CIB4: variants seen among roughly 807,000 people sequenced by gnomAD.
The protein encoded by CIB4 is calcium and integrin-binding family member 4.
Under a neutral mutation model 25.8 loss-of-function variants are expected in CIB4, and 25 were observed. The ratio of observed to expected loss-of-function variants is 0.97; its 90% CI spans 0.71 to 1.35. The LOEUF is 1.35. CIB4 is among the 40% of genes most tolerant of loss of function. The pLI, the probability that CIB4 is intolerant of heterozygous loss-of-function variation, is 0.00. For synonymous variants in CIB4, 75 were observed against 81.4 expected, an observed-to-expected ratio of 0.92 and a Z score of 0.42; for missense variants, 235 against 228.2, an observed-to-expected ratio of 1.03 and a Z score of -0.19.
At chr2:26,630,837 GC>G (rs1282632341) in intron 2 of CIB4, among the ~76,000 whole-genome samples, 1 of 152,076 alleles carries the variant, frequency 6.6e-6, no homozygotes, top group Non-Finnish European at 1.5e-5. Context: ...CACCCAGCCT[GC>G]CCTCTCTCTG....
At chr2:26,590,069 T>A (rs1182477357) in intron 4 of CIB4, among the ~76,000 whole-genome samples, 1 of 152,052 alleles carries the variant, frequency 6.6e-6, no homozygotes, top group East Asian at 1.9e-4. Flanking sequence ...TTGTTTTTTC[T>A]TTTTTGTAAT....
At chr2:26,591,073 A>T (rs1189893484) in intron 4 of CIB4, among the ~76,000 whole-genome samples, 3 of 152,178 alleles carry the variant, frequency 2.0e-5, no homozygotes, top group Non-Finnish European at 2.9e-5. Context: ...TTGTTTGTTT[A>T]GCTCAGGAAA....
At chr2:26,609,489 C>T (rs1275967) in intron 3 of CIB4, among the ~76,000 whole-genome samples, 133,075 of 152,102 alleles carry the variant, frequency 0.87, 58,422 homozygotes, top group East Asian at 1. Context: ...AGAGTTTTGT[C>T]TGGGTGAATG....
intron 2 of CIB4, among the ~76,000 whole-genome samples, chr2:26,637,946 G>A (rs113985701): frequency 0.022 from 3,399 of 152,242 alleles, 146 homozygotes; most frequent in African/African-American, 0.078. Flanking sequence ...CAAGTAATAG[G>A]AGTTGGATAC....
intron 3 of CIB4, among the ~76,000 whole-genome samples, chr2:26,607,189 C>T (rs568678000): frequency 6.6e-6 from 1 of 152,148 alleles, no homozygotes; most frequent in Admixed American, 6.5e-5. Flanking sequence ...GGCAGTGGAG[C>T]GAGCAGAGGC....
chr2:26,621,169 A>C (rs1377912324), intron 3 of CIB4, among the ~76,000 whole-genome samples: 1 of 151,478 alleles, frequency 6.6e-6, no homozygotes, highest in African/African-American at 2.4e-5. Context: ...TGCCTCACAC[A>C]CAGGGGAAAG....
chr2:26,594,726 A>C (rs1668647326), intron 4 of CIB4, among the ~76,000 whole-genome samples: 1 of 152,210 alleles, frequency 6.6e-6, no homozygotes, highest in African/African-American at 2.4e-5. Context: ...AAAAAATGTC[A>C]AAGTGCCTCA....
chr2:26,590,258 TAAAAAAA>T (rs869097756), intron 4 of CIB4, among the ~76,000 whole-genome samples: 7 of 61,824 alleles, frequency 1.1e-4, no homozygotes, highest in Admixed American at 9.3e-4. Context: ...CAAGCATCTG[TAAAAAAA>T]AAAAAAAAAA....
At chr2:26,631,373 C>T (rs1051003872) in intron 2 of CIB4, among the ~76,000 whole-genome samples, 1 of 152,160 alleles carries the variant, frequency 6.6e-6, no homozygotes, top group Admixed American at 6.5e-5. Flanking sequence ...ATTCAGGAGG[C>T]TGAAGTGGGA....
At chr2:26,621,629 G>A (rs559607642) in intron 3 of CIB4, among the ~76,000 whole-genome samples, 1 of 152,304 alleles carries the variant, frequency 6.6e-6, no homozygotes, top group African/African-American at 2.4e-5. Context: ...TTATCTCCAT[G>A]CAGCCTTTAT....
At chr2:26,590,695 CT>C (rs1668572925) in intron 4 of CIB4, among the ~76,000 whole-genome samples, 1 of 152,218 alleles carries the variant, frequency 6.6e-6, no homozygotes, top group Non-Finnish European at 1.5e-5. Context: ...GTAAAGAAAC[CT>C]TCCGAGCCCA....
rs1421417255 is a variant in CIB4 at position 26,582,914 on chromosome 2, C to T, written c.439-1G>A. The T allele has an allele frequency of 6.2e-7, 1 of 1,610,544 alleles. No homozygotes were observed. The highest frequency in any genetic ancestry group is 8.5e-7 in the Non-Finnish European group (1 of 1,176,900). On this transcript the variant is annotated splice_acceptor_variant, in intron 5 of 6. Transcript: ENST00000288861. LOFTEE classifies it high-confidence loss of function. ...TGTCCAGATCCGACTCACTCAGGAC[C>T]TGGCGAGGGAGCACAGAAGACAGTT...
In CIB4 at chr2:26,595,312, G is replaced by A. The variant is rs1166628094; in HGVS notation, c.192C>T (p.Asn64=). Residue 64 remains asparagine, a synonymous_variant, in exon 4 of 7, where the codon AAC becomes AAT. Coordinates refer to ENST00000288861, the MANE Select transcript of CIB4 (RefSeq NM_001029881.3). ...QVSSLPALRV[N]PFRDRICRVF... ...CTCTGCAGATACGGTCTCTGAAAGG[G>A]TTGACCTGTGGGCGACAGGAGGAGC... 6.2e-7 allele frequency: 1 copy of A among 1,612,492 alleles called. No homozygotes were observed. Among genetic ancestry groups the A allele is most frequent in the Non-Finnish European group, 8.5e-7 (1 of 1,178,660 alleles).
chr2:26,602,763 A>G (rs1400488770), intron 3 of CIB4, among the ~76,000 whole-genome samples: 1 of 152,184 alleles, frequency 6.6e-6, no homozygotes, highest in East Asian at 1.9e-4. Context: ...GTATGATGCA[A>G]TGAGAAGGGC....
At chr2:26,612,535 G>C (rs1023225059) in intron 3 of CIB4, among the ~76,000 whole-genome samples, 3 of 152,080 alleles carry the variant, frequency 2.0e-5, no homozygotes, top group Non-Finnish European at 2.9e-5. Context: ...TCCCCTCCCA[G>C]GGTCCCTGGT....
chr2:26,636,856 T>C (rs1224611457), intron 2 of CIB4, among the ~76,000 whole-genome samples: 1 of 152,256 alleles, frequency 6.6e-6, no homozygotes, highest in Non-Finnish European at 1.5e-5. Flanking sequence ...TCATTCCTGA[T>C]TCTCTGTAGT....
At position 26,595,166 on chromosome 2, in the gene CIB4, C is replaced by T. The variant is rs3739078; in HGVS notation, c.328+10G>A. On this transcript the variant is annotated intron_variant, in intron 4 of 6. Transcript: ENST00000288861. Reference sequence around the variant, plus strand: ...CCACCCCTCACCCCTCAGTCCCCCACAGCACCTACCATAGATGCGAAAGGC... The same window carrying T: ...CCACCCCTCACCCCTCAGTCCCCCATAGCACCTACCATAGATGCGAAAGGC... 4,162 of 1,604,000 alleles carry T rather than the reference C, an allele frequency of 2.6e-3. 127 individuals carry two copies. The East Asian group carries it at 0.071, about 27-fold the overall frequency.
chr2:26,630,785 G>C (rs1387699765), intron 2 of CIB4, among the ~76,000 whole-genome samples: 2 of 152,126 alleles, frequency 1.3e-5, no homozygotes, highest in African/African-American at 4.8e-5. Flanking sequence ...CGCAGTGTTT[G>C]GTAGGTAAGA....
In CIB4 at chr2:26,624,677, CA is replaced by C. The variant is rs1430126476; in HGVS notation, c.186+4732del. ...AAAGTTGGCATCTCTAGTCCTGCCTCAAAAAAAGATTTTGTTTTTGAATAAA... is the reference window on the plus strand; with the variant it reads ...AAAGTTGGCATCTCTAGTCCTGCCTCAAAAAAGATTTTGTTTTTGAATAAA... On this transcript the variant is annotated intron_variant, in intron 3 of 6. Transcript: ENST00000288861. 8.3e-5 allele frequency among the ~76,000 whole-genome samples: 11 copies of C among 132,768 alleles called. No individual in the cohort carries two copies. In the East Asian group the frequency reaches 1.7e-3, roughly 20 times the overall value. 87.1% of individuals were successfully genotyped at this position (132,768 alleles called of 152,430 possible).
Sources: gnomAD v4.1 joint callset for allele counts (sites outside exome capture counted in the v4.1 genomes callset) on GRCh38, gnomAD v4.1.1 for gene constraint, MANE v1.5 for transcripts, NCBI Gene and HGNC (gene_info 2026-07-23, HGNC 2026-07-21) for gene names.